Variants in XRRA1 observed in about 807,000 individuals in gnomAD.
The protein encoded by XRRA1 is X-ray radiation resistance-associated protein 1.
A neutral mutation model predicts 80.2 loss-of-function variants in XRRA1; 69 were observed. The observed-to-expected ratio is 0.86, with a 90% CI of 0.71 to 1.05. The LOEUF (loss-of-function observed/expected upper bound fraction) is 1.05. Ranked by LOEUF, XRRA1 falls within the 50% of genes least tolerant of loss-of-function variation. The pLI is 0.00. For synonymous variants in XRRA1, 348 were observed against 389.9 expected (o/e 0.89, Z 1.27); for missense variants, 967 against 976.4 (o/e 0.99, Z 0.13).
At chr11:74,939,207 C>T (rs1410490832) in intron 3 of XRRA1, among the ~76,000 whole-genome samples, 1 of 152,082 alleles carries the variant, frequency 6.6e-6, no homozygotes, top group African/African-American at 2.4e-5. Flanking sequence ...CAAAAATTAG[C>T]TGGGCATGGT....
At chr11:74,848,045 G>A (rs2038757903) in intron 15 of XRRA1, 70 bp downstream of exon 15, 5 of 1,384,934 alleles carry the variant, frequency 3.6e-6, no homozygotes, top group Non-Finnish European at 3.9e-6. Flanking sequence ...CACAGCAATC[G>A]AGCCTAAGGG....
At chr11:74,947,780 T>C (rs1222802531) in intron 1 of XRRA1, among the ~76,000 whole-genome samples, 2 of 152,188 alleles carry the variant, frequency 1.3e-5, no homozygotes, top group African/African-American at 2.4e-5. Flanking sequence ...TTATTTTCTT[T>C]TCTTTCTGAT....
At chr11:74,908,235 T>A (rs1260691919) in intron 8 of XRRA1, among the ~76,000 whole-genome samples, 3 of 152,248 alleles carry the variant, frequency 2.0e-5, no homozygotes. Flanking sequence ...ATAGGTATTA[T>A]TTATCTCCTT....
intron 10 of XRRA1, among the ~76,000 whole-genome samples, chr11:74,891,728 G>A (rs367976465): frequency 1.3e-5 from 2 of 152,082 alleles, no homozygotes; most frequent in Non-Finnish European, 2.9e-5. Flanking sequence ...AAATCAATGT[G>A]CAAAAATCAC....
chr11:74,856,907 G>T (rs1201015611), intron 12 of XRRA1, among the ~76,000 whole-genome samples: 2 of 152,102 alleles, frequency 1.3e-5, no homozygotes, highest in African/African-American at 4.8e-5. Context: ...TACTCCTGTG[G>T]TTGGAGCAGG....
rs1472248996 is a variant in XRRA1 at position 74,866,171 on chromosome 11, A to T, written c.1004-3150T>A. ...AGACAAAATAAGATGCCAGAGATCA[A>T]ACATAAAGTAATAGAGATGTGTGAT... On this transcript the variant is annotated intron_variant, in intron 10 of 18. Transcript: ENST00000684022. Among the ~76,000 whole-genome samples, 12 of 152,254 alleles carry T rather than the reference A, an allele frequency of 7.9e-5. No individual in the cohort carries two copies. The East Asian group carries it at 2.3e-3, about 29-fold the overall frequency.
chr11:74,871,135 A>G (rs1344487464), intron 10 of XRRA1, among the ~76,000 whole-genome samples: 4 of 152,206 alleles, frequency 2.6e-5, no homozygotes, highest in African/African-American at 9.7e-5. Context: ...AGATCACAGA[A>G]GTTAGGAAGT....
chr11:74,848,572 C>G, intron 14 of XRRA1, 110 bp from the exon 15 acceptor site: 1 of 975,264 alleles, frequency 1.0e-6, no homozygotes, highest in East Asian at 2.6e-5. Context: ...TGGGTACGGA[C>G]TGAGGCGGGG....
chr11:74,861,625 A>T (rs999645918), intron 11 of XRRA1, among the ~76,000 whole-genome samples: 1 of 152,256 alleles, frequency 6.6e-6, no homozygotes, highest in Admixed American at 6.5e-5. Flanking sequence ...AATAAAGTAC[A>T]TAATAAATGT....
At position 74,868,008 on chromosome 11, in the gene XRRA1, G is replaced by A. The variant is rs374497751; in HGVS notation, c.1004-4987C>T. On this transcript the variant is annotated intron_variant, in intron 10 of 18. Transcript: ENST00000684022. The stretch of plus-strand genomic sequence containing the variant: ...GCGATCTTGGTTCACTGCAACCTCC[G>A]CCTCCCAGGTTCAAGTGATTCTCAT... Among the ~76,000 whole-genome samples the A allele has an allele frequency of 2.4e-4, 33 of 135,890 alleles. No individual in the cohort carries two copies. In the East Asian group the frequency reaches 3.6e-3, roughly 15 times the overall value. The allele number at this position is 135,890 out of a possible 152,430, so 89.1% of individuals were successfully genotyped here. A position where few individuals can be genotyped will look rare whatever the true frequency, so the allele number is the denominator to read the frequency against.
chr11:74,881,447 C>A (rs1385760197), intron 10 of XRRA1, among the ~76,000 whole-genome samples: 2,881 of 148,678 alleles, frequency 0.019, 66 homozygotes, highest in African/African-American at 0.069. Context: ...TTAATTGGAG[C>A]ATTTAGTCCA....
intron 2 of XRRA1, 60 bp from the exon 3 acceptor site, chr11:74,940,942 C>A (rs1446489042): frequency 7.6e-7 from 1 of 1,312,650 alleles, no homozygotes; most frequent in Non-Finnish European, 1.1e-6. Context: ...GCAGAGCACT[C>A]TTACTCCAGT....
At chr11:74,889,524 T>C (rs1320420410) in intron 10 of XRRA1, among the ~76,000 whole-genome samples, 1 of 152,194 alleles carries the variant, frequency 6.6e-6, no homozygotes, top group East Asian at 1.9e-4. Context: ...GCTAACATCA[T>C]AATGACAGGA....
At chr11:74,943,524 G>GGTGTGTGTGTGTGTGTGT (rs67590742) in intron 2 of XRRA1, among the ~76,000 whole-genome samples, 4,847 of 137,628 alleles carry the variant, frequency 0.035, 196 homozygotes, top group East Asian at 0.069. Flanking sequence ...AGAGTAGGAG[G>GGTGTGTGTGTGTGTGTGT]GTGTGTGTGT....
At chr11:74,921,699 T>G (rs1173982916) in intron 7 of XRRA1, among the ~76,000 whole-genome samples, 1 of 152,176 alleles carries the variant, frequency 6.6e-6, no homozygotes, top group Non-Finnish European at 1.5e-5. Flanking sequence ...GCTGCCTCCT[T>G]GTAAAACCTT....
intron 10 of XRRA1, among the ~76,000 whole-genome samples, chr11:74,881,849 G>A (rs1389304265): frequency 6.7e-6 from 1 of 148,684 alleles, no homozygotes; most frequent in African/African-American, 2.5e-5. Flanking sequence ...ACTCTCTTCT[G>A]GCTTGTAGGG....
At chr11:74,940,643 A>T in intron 3 of XRRA1, 142 bp downstream of exon 3, 1 of 664,690 alleles carries the variant, frequency 1.5e-6, no homozygotes, top group Admixed American at 2.6e-5. Context: ...AGTCCCATGG[A>T]GGCTACTAGG....
chr11:74,848,272 G>T lies in XRRA1; in HGVS notation c.1571C>A (p.Ser524Tyr). The part of the protein sequence containing the change: ...PTENLEGHSP[S>Y]CRTFVPLPPI... ...AGGCAGTGGCACGAAGGTCCGGCAA[G>T]ACGGGGAATGGCCTTCCAGGTTCTC... Residue 524 changes from serine (S) to tyrosine (Y), a missense_variant, in exon 15 of 19, where the codon TCT becomes TAT. Ser to Tyr is a moderately radical substitution (Grantham distance 144). Coordinates refer to ENST00000684022, the MANE Select transcript of XRRA1 (RefSeq NM_001378157.1). 1 of 1,613,980 alleles carries T rather than the reference G, an allele frequency of 6.2e-7. No homozygotes were observed. The highest frequency in any genetic ancestry group is 1.3e-5 in the African/African-American group (1 of 75,056).
chr11:74,867,590 A>G (rs1033228628), intron 10 of XRRA1, among the ~76,000 whole-genome samples: 1 of 152,238 alleles, frequency 6.6e-6, no homozygotes, highest in African/African-American at 2.4e-5. Flanking sequence ...GAGACCAAAA[A>G]TATGACTCAT....
Sources: allele counts gnomAD v4.1 joint callset (sites outside exome capture counted in the v4.1 genomes callset), GRCh38; gene constraint gnomAD v4.1.1; transcripts MANE v1.5; gene names NCBI Gene and HGNC (gene_info 2026-07-23, HGNC 2026-07-21).